The following ZNG1A variants were observed in gnomAD, a reference collection of about 807,000 sequenced individuals.
The protein encoded by ZNG1A is zinc-regulated GTPase metalloprotein activator 1A.
At chr9:172,168 T>C in the ZNG1A span, 1 of 1,611,166 alleles carries the variant, frequency 6.2e-7, no homozygotes, top group Non-Finnish European at 8.5e-7. Flanking sequence ...CTAAGGCCAC[T>C]GTCCCTGGAG....
At chr9:146,231 T>C in the ZNG1A span, 63 of 1,579,486 alleles carry the variant, frequency 4.0e-5, no homozygotes, top group Non-Finnish European at 5.3e-5. Context: ...GAAAAAAAAC[T>C]CTGACTTAAA....
chr9:132,352 T>TAAAA, the ZNG1A span, among the ~76,000 whole-genome samples: 1 of 91,190 alleles, frequency 1.1e-5, no homozygotes, highest in African/African-American at 4.5e-5. Flanking sequence ...CCATCTCTAC[T>TAAAA]AAAAAAAAAA....
the ZNG1A span, among the ~76,000 whole-genome samples, chr9:169,293 G>A: frequency 2.0e-4 from 30 of 148,434 alleles, no homozygotes; most frequent in African/African-American, 6.9e-4. Context: ...AAGAGAACTA[G>A]AATTAGAAGG....
chr9:155,507 T>C, the ZNG1A span, among the ~76,000 whole-genome samples: 67 of 152,232 alleles, frequency 4.4e-4, no homozygotes, highest in Middle Eastern at 3.4e-3. Context: ...CTGTATATTA[T>C]CTCTGTAAAG....
the ZNG1A span, chr9:148,491 G>A: frequency 8.2e-5 from 6 of 72,828 alleles, no homozygotes; most frequent in Admixed American, 1.5e-4. Flanking sequence ...CAAGGCATAC[G>A]ACTAGAAAAC....
chr9:128,388 T>C, the ZNG1A span, among the ~76,000 whole-genome samples: 2 of 151,840 alleles, frequency 1.3e-5, no homozygotes, highest in Non-Finnish European at 2.9e-5. Flanking sequence ...TATTCTTTTT[T>C]CTTTGTCTTT....
the ZNG1A span, among the ~76,000 whole-genome samples, chr9:141,798 T>A: frequency 6.6e-6 from 1 of 152,086 alleles, no homozygotes; most frequent in African/African-American, 2.4e-5. Context: ...AGGAAACCCA[T>A]CTCACGTGCA....
At chr9:155,362 G>A in the ZNG1A span, among the ~76,000 whole-genome samples, 1 of 151,220 alleles carries the variant, frequency 6.6e-6, no homozygotes, top group Non-Finnish European at 1.5e-5. Flanking sequence ...TGAGGAGGGA[G>A]GATCCCTTAA....
the ZNG1A span, chr9:154,908 GT>G: frequency 9.4e-7 from 1 of 1,063,072 alleles, no homozygotes; most frequent in Non-Finnish European, 1.4e-6. Context: ...AACGCCTCAT[GT>G]AGATCAATAT....
the ZNG1A span, chr9:122,262 A>C: frequency 7.0e-7 from 1 of 1,434,310 alleles, no homozygotes; most frequent in African/African-American, 1.4e-5. Flanking sequence ...GAAGTTTCTT[A>C]ATGTTTTTAA....
chr9:169,213 C>T, the ZNG1A span, among the ~76,000 whole-genome samples: 1 of 151,794 alleles, frequency 6.6e-6, no homozygotes, highest in Non-Finnish European at 1.5e-5. Context: ...ATGATTCCAG[C>T]CCTCACAGAT....
the ZNG1A span, chr9:166,845 CA>C: frequency 2.0e-5 from 3 of 151,864 alleles, no homozygotes; most frequent in Admixed American, 2.0e-4. Flanking sequence ...AGGTAAAAGA[CA>C]AATCAAAGCA....
chr9:170,737 G>T, the ZNG1A span, among the ~76,000 whole-genome samples: 1 of 139,942 alleles, frequency 7.1e-6, no homozygotes, highest in African/African-American at 2.8e-5. Context: ...TTTCTTCTTT[G>T]TATTTTTTAG....
chr9:124,782 C>G, the ZNG1A span, among the ~76,000 whole-genome samples: 2 of 134,450 alleles, frequency 1.5e-5, no homozygotes, highest in Admixed American at 1.5e-4. Flanking sequence ...TTAGCTCCCA[C>G]TTATGAGTGA....
chr9:159,024 A>T, the ZNG1A span, among the ~76,000 whole-genome samples: 1 of 151,978 alleles, frequency 6.6e-6, no homozygotes, highest in African/African-American at 2.4e-5. Flanking sequence ...GATGACTTTC[A>T]TTTATAAAAT....
chr9:146,076 A>G, the ZNG1A span: 2 of 1,500,964 alleles, frequency 1.3e-6, no homozygotes, highest in East Asian at 2.3e-5. Flanking sequence ...ATAACAATAA[A>G]AGTAACCAAA....
the ZNG1A span, among the ~76,000 whole-genome samples, chr9:139,645 A>G: frequency 6.6e-6 from 1 of 152,098 alleles, no homozygotes; most frequent in Non-Finnish European, 1.5e-5. Flanking sequence ...TAAAGTGAAC[A>G]GAGGAGAGAG....
the ZNG1A span, chr9:160,268 A>T: frequency 2.3e-6 from 1 of 441,330 alleles, no homozygotes; most frequent in Non-Finnish European, 4.5e-6. Flanking sequence ...TCTCAGCTTT[A>T]CTTGTGATGG....
chr9:174,778 T>C, the ZNG1A span, among the ~76,000 whole-genome samples: 4 of 151,178 alleles, frequency 2.6e-5, no homozygotes, highest in African/African-American at 9.8e-5. Context: ...AGAAGTAAGC[T>C]TTGATTACAA....
Sources: gnomAD v4.1 joint callset for allele counts (sites outside exome capture counted in the v4.1 genomes callset) on GRCh38, gnomAD v4.1.1 for gene constraint, MANE v1.5 for transcripts, NCBI Gene and HGNC (gene_info 2026-07-23, HGNC 2026-07-21) for gene names.